The following TXNL4A variants were observed in gnomAD, a reference collection of about 807,000 sequenced individuals.
TXNL4A encodes the protein thioredoxin-like protein 4A.
A neutral mutation model predicts 14.6 loss-of-function variants in TXNL4A; 17 were observed. That is an observed-to-expected ratio of 1.16 (90% CI 0.80 to 1.74). The LOEUF (loss-of-function observed/expected upper bound fraction) is 1.74. Among genes scored for constraint, TXNL4A ranks in the 40% most tolerant of loss-of-function variants. The probability of loss-of-function intolerance (pLI) is 0.00; values close to 1 mark genes in which losing one functional copy is unlikely to be tolerated. For missense variants in TXNL4A, 74 were observed against 195.2 expected (o/e 0.38, Z 3.70); for synonymous variants, 83 against 70.6 (o/e 1.18, Z -0.88).
intron 1 of TXNL4A, among the ~76,000 whole-genome samples, chr18:80,002,831 A>G (rs893709427): frequency 6.6e-6 from 1 of 152,216 alleles, no homozygotes; most frequent in East Asian, 1.9e-4. Flanking sequence ...TTTCCACTTC[A>G]CGGACTCGGC....
chr18:79,977,849 A>G, intron 1 of TXNL4A, 148 bp from the exon 2 acceptor site: 3 of 620,464 alleles, frequency 4.8e-6, no homozygotes, highest in Non-Finnish European at 8.5e-6. Flanking sequence ...TCACTCTGTC[A>G]TCCTAGAGTG....
intron 1 of TXNL4A, among the ~76,000 whole-genome samples, chr18:80,021,302 G>T (rs188843066): frequency 6.6e-6 from 1 of 151,886 alleles, no homozygotes; most frequent in Non-Finnish European, 1.5e-5. Flanking sequence ...TCAGCCTCCC[G>T]AGTAGCTGGG....
At chr18:79,988,962 A>G (rs901918485), upstream of TXNL4A, among the ~76,000 whole-genome samples, 5 of 152,150 alleles carry the variant, frequency 3.3e-5, no homozygotes, top group African/African-American at 1.2e-4. Flanking sequence ...CATGTGTGTC[A>G]TTTGTGAAAC....
chr18:80,031,885 T>C (rs1599760493), intron 1 of TXNL4A, among the ~76,000 whole-genome samples: 1 of 152,246 alleles, frequency 6.6e-6, no homozygotes, highest in African/African-American at 2.4e-5. Flanking sequence ...GTTTGGATTC[T>C]GGGGAACTTG....
At chr18:80,010,507 G>A (rs1440989315) in intron 1 of TXNL4A, among the ~76,000 whole-genome samples, 5 of 152,034 alleles carry the variant, frequency 3.3e-5, no homozygotes, top group Non-Finnish European at 7.4e-5. Context: ...GATTCACAGA[G>A]GGCAGACGTA....
rs532879082 is a variant in TXNL4A at position 80,009,884 on chromosome 18, T to C, written c.-61+23967A>G. ...CAGGCTCACTTGAGGCATTTTTCCCTTATCAGTTGAGTGTTCCTAGAGGAA... is the reference window on the plus strand; with the variant it reads ...CAGGCTCACTTGAGGCATTTTTCCCCTATCAGTTGAGTGTTCCTAGAGGAA... On this transcript the variant is annotated intron_variant, in intron 1 of 2. Transcript: ENST00000585474. Among the ~76,000 whole-genome samples the C allele has an allele frequency of 1.6e-4, 25 of 152,304 alleles. No homozygotes were observed. In the East Asian group the frequency reaches 4.8e-3, roughly 29 times the overall value.
intron 1 of TXNL4A, among the ~76,000 whole-genome samples, chr18:80,033,338 G>C (rs1283613792): frequency 6.6e-6 from 1 of 151,718 alleles, no homozygotes; most frequent in Non-Finnish European, 1.5e-5. Flanking sequence ...CACAGCAGCC[G>C]CCTCGGGGGA....
At chr18:80,021,965 A>G (rs2051852439) in intron 1 of TXNL4A, among the ~76,000 whole-genome samples, 1 of 149,134 alleles carries the variant, frequency 6.7e-6, no homozygotes, top group South Asian at 2.2e-4. Flanking sequence ...AGCCATAAGG[A>G]TGGTGGCTCC....
rs146860897 is a variant in TXNL4A at position 79,979,515 on chromosome 18, G to C, written c.154-1814C>G. 2.3e-3 allele frequency: 347 copies of C among 152,488 alleles called. 1 individual carries two copies. The highest frequency in any genetic ancestry group is 4.0e-3 in the Non-Finnish European group (270 of 68,140). The allele number at this position is 152,488 out of a possible 1,614,324, so 9.4% of individuals were successfully genotyped here. A position where few individuals can be genotyped will look rare whatever the true frequency, so the allele number is the denominator to read the frequency against. On this transcript the variant is annotated intron_variant, in intron 1 of 2. Transcript: ENST00000269601. ...TGAGCTGAGGTTGTTCCAAGTGTGT[G>C]ACACTCCGCCCCAGCTTTCACCGTG...
intron 1 of TXNL4A, among the ~76,000 whole-genome samples, chr18:80,015,058 C>T (rs182893354): frequency 1.2e-3 from 188 of 152,298 alleles, no homozygotes; most frequent in East Asian, 8.5e-3. Flanking sequence ...GTCCCTAGGC[C>T]GCACACAGCA....
At chr18:80,014,725 G>A (rs576342408) in intron 1 of TXNL4A, among the ~76,000 whole-genome samples, 48 of 152,314 alleles carry the variant, frequency 3.2e-4, no homozygotes, top group African/African-American at 1.2e-3. Flanking sequence ...TCTTCTCACA[G>A]TTCCACTAGG....
In TXNL4A at chr18:79,977,646, T is replaced by C; in HGVS notation, c.209A>G (p.Asn70Ser). ...LVDITEVPDF[N>S]KMYELYDPCT... ...TGGATCGTATAACTCATACATTTTG[T>C]TGAAGTCAGGCACTTCTGTAATATC... Residue 70 changes from asparagine to serine, a missense_variant, in exon 2 of 3, where the codon AAC becomes AGC. Around this residue, in one of 3 missense-constraint regions of TXNL4A, gnomAD observed 55 missense variants for 116.1 expected, o/e 0.47. Coordinates refer to ENST00000269601, the MANE Select transcript of TXNL4A (RefSeq NM_006701.5). 6.2e-7 allele frequency: 1 copy of C among 1,613,102 alleles called. No individual in the cohort carries two copies. Among genetic ancestry groups the C allele is most frequent in the Non-Finnish European group, 8.5e-7 (1 of 1,179,688 alleles).
intron 1 of TXNL4A, among the ~76,000 whole-genome samples, chr18:79,997,479 C>G (rs2051670876): frequency 6.6e-6 from 1 of 151,658 alleles, no homozygotes; most frequent in Non-Finnish European, 1.5e-5. Context: ...CCCAATAATC[C>G]CCAACCCACA....
intron 2 of TXNL4A, among the ~76,000 whole-genome samples, chr18:79,975,324 GCATAAGT>G (rs1457015159): frequency 1.3e-5 from 2 of 152,204 alleles, no homozygotes; most frequent in Non-Finnish European, 2.9e-5. Context: ...TATGTTTGGT[GCATAAGT>G]TAACTAAAGT....
chr18:79,976,009 A>T lies in TXNL4A; in HGVS notation c.257+1589T>A, dbSNP rs867564390. 3.9e-5 allele frequency among the ~76,000 whole-genome samples: 6 copies of T among 152,350 alleles called. 1 individual carries two copies. The Middle Eastern group carries it at 0.01, about 259-fold the overall frequency. ...CAACCTTTGCTGAAACCTAGGAAAGATGAAAAGTTCACAAGAAATGCAGGG... is the reference window on the plus strand; with the variant it reads ...CAACCTTTGCTGAAACCTAGGAAAGTTGAAAAGTTCACAAGAAATGCAGGG... On this transcript the variant is annotated intron_variant, in intron 2 of 2. Transcript: ENST00000269601.
At chr18:80,028,615 G>A (rs1409380673) in intron 1 of TXNL4A, among the ~76,000 whole-genome samples, 4 of 152,166 alleles carry the variant, frequency 2.6e-5, no homozygotes, top group African/African-American at 9.7e-5. Context: ...TTTGGAGCAG[G>A]ATATGCTATA....
In TXNL4A at chr18:79,973,072, G is replaced by A. The variant is rs1195360324; in HGVS notation, c.*613C>T. 2.0e-5 allele frequency: 3 copies of A among 152,214 alleles called. No individual in the cohort carries two copies. Among genetic ancestry groups the A allele is most frequent in the Non-Finnish European group, 4.4e-5 (3 of 68,072 alleles). The allele number at this position is 152,214 out of a possible 1,614,324, so 9.4% of individuals were successfully genotyped here. A position where few individuals can be genotyped will look rare whatever the true frequency, so the allele number is the denominator to read the frequency against. ...TAAGATTAGGCCATGCTGGAGCAGG[G>A]TGGGCCCCAATCCAACACAGCTGGT... On this transcript the variant is annotated 3_prime_UTR_variant, in exon 3 of 3. Coordinates refer to ENST00000269601, the MANE Select transcript of TXNL4A (RefSeq NM_006701.5).
At chr18:80,005,392 T>G (rs72970173) in intron 1 of TXNL4A, among the ~76,000 whole-genome samples, 1 of 152,096 alleles carries the variant, frequency 6.6e-6, no homozygotes, top group African/African-American at 2.4e-5. Flanking sequence ...CAATTGCTTA[T>G]GCTGTCTTTC....
chr18:80,019,578 C>A (rs1164421418), intron 1 of TXNL4A, among the ~76,000 whole-genome samples: 1 of 152,196 alleles, frequency 6.6e-6, no homozygotes, highest in East Asian at 1.9e-4. Context: ...GGTGGCATTT[C>A]TGCCCAGGGA....
Sources: allele counts gnomAD v4.1 joint callset (sites outside exome capture counted in the v4.1 genomes callset), GRCh38; gene constraint gnomAD v4.1.1; regional missense constraint gnomAD v4.1.1; transcripts MANE v1.5; gene names NCBI Gene and HGNC (gene_info 2026-07-23, HGNC 2026-07-21).